Variants in ASIC4 observed in about 807,000 individuals in gnomAD.
ASIC4 encodes the protein acid-sensing ion channel 4.
Under a neutral mutation model 53.4 loss-of-function variants are expected in ASIC4, and 28 were observed. That is an observed-to-expected ratio of 0.52 (90% CI 0.39 to 0.72). The LOEUF is 0.72. Ranked by LOEUF, ASIC4 falls within the 30% of genes least tolerant of loss-of-function variation. ASIC4 has a pLI of 0.00. For missense variants in ASIC4, 649 were observed against 729.7 expected (o/e 0.89, Z 1.27); for synonymous variants, 289 against 301.4 (o/e 0.96, Z 0.43).
the ASIC4 span, among the ~76,000 whole-genome samples, chr2:219,507,552 T>C: frequency 2.6e-5 from 4 of 151,922 alleles, no homozygotes; most frequent in African/African-American, 9.7e-5. Flanking sequence ...CAGTGGGAGG[T>C]ACCCTGTTCT....
intron 1 of ASIC4, among the ~76,000 whole-genome samples, chr2:219,527,195 C>A (rs1016182746): frequency 2.0e-5 from 3 of 152,200 alleles, no homozygotes; most frequent in Non-Finnish European, 4.4e-5. Context: ...GATGGCTCCA[C>A]CCACCCCTGC....
chr2:219,507,775 T>TG, the ASIC4 span, among the ~76,000 whole-genome samples: 3 of 151,806 alleles, frequency 2.0e-5, no homozygotes, highest in Non-Finnish European at 4.4e-5. Context: ...CCGAAGAGAA[T>TG]GGGGGGTGCA....
Position 219,537,196 on chromosome 2 carries a change from G to A in ASIC4, c.1321+39G>A, listed in dbSNP as rs556154322. 5.3e-5 allele frequency: 86 copies of A among 1,611,894 alleles called. No individual in the cohort carries two copies. Among genetic ancestry groups the A allele is most frequent in the South Asian group, 9.9e-5 (9 of 90,992 alleles). On this transcript the variant is annotated intron_variant, in intron 7 of 9. Transcript: ENST00000358078. This position sits in a 1 kb window ranked among gnomAD's most constrained non-coding sequence, Gnocchi z 4.9. ...CCCTGCCCCCAGCTTGTGTGGGGGTGGATCGGCCCGGCCGCTCCCTCTGAC... is the reference window on the plus strand; with the variant it reads ...CCCTGCCCCCAGCTTGTGTGGGGGTAGATCGGCCCGGCCGCTCCCTCTGAC...
chr2:219,521,059 C>T (rs968421388), intron 1 of ASIC4, among the ~76,000 whole-genome samples: 1 of 152,242 alleles, frequency 6.6e-6, no homozygotes, highest in Non-Finnish European at 1.5e-5. Flanking sequence ...CCACCTTCCA[C>T]CCCACACCAG....
At chr2:219,534,440 C>T (rs891908625) in intron 5 of ASIC4, among the ~76,000 whole-genome samples, 4 of 152,266 alleles carry the variant, frequency 2.6e-5, no homozygotes, top group Non-Finnish European at 5.9e-5. Flanking sequence ...GGCTGACTGA[C>T]AGCAGCATGG....
intron 5 of ASIC4, among the ~76,000 whole-genome samples, chr2:219,534,876 C>CCCA (rs2105980114): frequency 6.6e-6 from 1 of 152,260 alleles, no homozygotes; most frequent in East Asian, 1.9e-4. Flanking sequence ...AGTTGATTAG[C>CCCA]TCTGGTGGAT....
At chr2:219,532,696 AT>A in intron 4 of ASIC4, 186 bp from the exon 5 acceptor site, 1 of 813,746 alleles carries the variant, frequency 1.2e-6, no homozygotes, top group East Asian at 2.7e-5. Context: ...GTTAATATGT[AT>A]TTGTGTACGT....
At chr2:219,510,084 C>G (rs532828307), upstream of ASIC4, among the ~76,000 whole-genome samples, 86 of 151,990 alleles carry the variant, frequency 5.7e-4, 1 homozygote, top group Non-Finnish European at 7.4e-5. This position sits in a 1 kb window ranked among gnomAD's most constrained non-coding sequence, Gnocchi z 5.2. Context: ...CTCCTCTCCC[C>G]GTCGATGACC....
chr2:219,520,250 C>T (rs947543858), intron 1 of ASIC4, among the ~76,000 whole-genome samples: 3 of 152,114 alleles, frequency 2.0e-5, no homozygotes, highest in African/African-American at 7.2e-5. Context: ...TAATCAGGCA[C>T]AATTAGACAA....
chr2:219,514,260 G>A (rs775670225), upstream of ASIC4: 8 of 1,444,268 alleles, frequency 5.5e-6, no homozygotes, highest in African/African-American at 1.4e-5. Flanking sequence ...CCCCTCCCCT[G>A]GCCTGGCTCC....
upstream of ASIC4, among the ~76,000 whole-genome samples, chr2:219,509,406 C>T (rs1399461349): frequency 6.6e-6 from 1 of 152,146 alleles, no homozygotes; most frequent in African/African-American, 2.4e-5. The surrounding 1 kb of genome is among the most constrained non-coding windows in gnomAD (Gnocchi z 5.2). Flanking sequence ...TGCCAACAGA[C>T]ACATACTCTT....
In ASIC4 at chr2:219,532,109, T is replaced by A; in HGVS notation, c.836T>A (p.Val279Glu). 2.5e-6 allele frequency: 4 copies of A among 1,614,196 alleles called. No homozygotes were observed. The highest frequency in any genetic ancestry group is 2.5e-6 in the Non-Finnish European group (3 of 1,180,028). Residue 279 changes from valine (V) to glutamate (E), a missense_variant, in exon 3 of 10, where the codon GTG (valine) becomes GAG (glutamate). Val to Glu is a moderately radical substitution (Grantham distance 121). Coordinates refer to ENST00000358078, the MANE Select transcript of ASIC4 (RefSeq NM_018674.6). The part of the protein sequence containing the change: ...FGVSPGFQTF[V>E]SCQEQRLTYL... ...GTGTCCCCAGGCTTCCAGACCTTTG[T>A]GTCCTGCCAGGAACAGCGGGTGAGC...
At position 219,538,278 on chromosome 2, in the gene ASIC4, G is replaced by C; in HGVS notation, c.*232G>C. ...CCGGGAGGGCTGGAGACCAGGCCATGGGCCCTCACGGAGAGGAAGGGAAGG... is the reference window on the plus strand; with the variant it reads ...CCGGGAGGGCTGGAGACCAGGCCATCGGCCCTCACGGAGAGGAAGGGAAGG... On this transcript the variant is annotated 3_prime_UTR_variant, in exon 10 of 10. Transcript: ENST00000358078. 1 of 549,398 alleles carries C rather than the reference G, an allele frequency of 1.8e-6. No individual in the cohort carries two copies. Among genetic ancestry groups the C allele is most frequent in the Non-Finnish European group, 3.2e-6 (1 of 309,824 alleles). The allele number at this position is 549,398 out of a possible 1,614,324, so 34.0% of individuals were successfully genotyped here.
chr2:219,537,961 AG>A lies in ASIC4; in HGVS notation c.1538del (p.Gly513ValfsTer32). ...CCCTGCCCGAGCCGGGGCCGAGTGG[AG>A]GGTGGGGGGGTCAGCAGTCTGCTCC... ...QSPCPSRGRV[E>X]GGGVSSLLPN... On this transcript the variant is annotated frameshift_variant, in exon 10 of 10. Transcript: ENST00000358078. LOFTEE classifies it high-confidence loss of function. The surrounding 1 kb of genome is among the most constrained non-coding windows in gnomAD (Gnocchi z 4.9). 2 of 1,609,418 alleles carry A rather than the reference AG, an allele frequency of 1.2e-6. No individual in the cohort carries two copies. Among genetic ancestry groups the A allele is most frequent in the African/African-American group, 1.3e-5 (1 of 74,902 alleles).
chr2:219,533,721 G>A (rs1411111745), intron 5 of ASIC4: 2 of 152,958 alleles, frequency 1.3e-5, no homozygotes, highest in Admixed American at 6.5e-5. Context: ...GCAGAGAACA[G>A]GGGAGGGAGT....
At chr2:219,510,508 C>A (rs893864869), upstream of ASIC4, among the ~76,000 whole-genome samples, 3 of 152,292 alleles carry the variant, frequency 2.0e-5, 1 homozygote, top group South Asian at 4.2e-4. The surrounding 1 kb of genome is among the most constrained non-coding windows in gnomAD (Gnocchi z 5.2). Flanking sequence ...AGCCCTCCCC[C>A]GCAGGCCCCA....
At position 219,516,814 on chromosome 2, in the gene ASIC4, G is replaced by A. The variant is rs369958705; in HGVS notation, c.582+1508G>A. 278 of 152,486 alleles carry A rather than the reference G, an allele frequency of 1.8e-3. 14 individuals carry two copies. In the South Asian group the frequency reaches 0.057, roughly 31 times the overall value. The allele number at this position is 152,486 out of a possible 1,614,324, so 9.4% of individuals were successfully genotyped here. On this transcript the variant is annotated intron_variant, in intron 1 of 9. Coordinates refer to ENST00000358078, the MANE Select transcript of ASIC4 (RefSeq NM_018674.6). This position sits in a 1 kb window ranked among gnomAD's most constrained non-coding sequence, Gnocchi z 4.9. ...CAGGGGAGTTAGGTAGAAATAGAGGGACAGGAGCAGGAGCATTGTGCAGGG... is the reference window on the plus strand; with the variant it reads ...CAGGGGAGTTAGGTAGAAATAGAGGAACAGGAGCAGGAGCATTGTGCAGGG...
At position 219,514,515 on chromosome 2, in the gene ASIC4, C is replaced by T. The variant is rs1284784434; in HGVS notation, c.-210C>T. 7.1e-6 allele frequency: 11 copies of T among 1,550,860 alleles called. No individual in the cohort carries two copies. Among genetic ancestry groups the T allele is most frequent in the Non-Finnish European group, 9.6e-6 (11 of 1,147,244 alleles). ...AGACAAGCGGCAGCAGAGGCAGCAG[C>T]GGCAGAGGCAGCACCAGGGCTGCGG... On this transcript the variant is annotated 5_prime_UTR_variant, in exon 1 of 10. Coordinates refer to ENST00000358078, the MANE Select transcript of ASIC4 (RefSeq NM_018674.6).
At position 219,537,979 on chromosome 2, in the gene ASIC4, G is replaced by T; in HGVS notation, c.1553G>T (p.Ser518Ile). 2 of 1,613,008 alleles carry T rather than the reference G, an allele frequency of 1.2e-6. No individual in the cohort carries two copies. Among genetic ancestry groups the T allele is most frequent in the Non-Finnish European group, 8.5e-7 (1 of 1,179,638 alleles). ...CGAGTGGAGGGTGGGGGGGTCAGCA[G>T]TCTGCTCCCCAATCACCACCACCCC... ...RGRVEGGGVS[S>I]LLPNHHHPHG... Residue 518 changes from serine to isoleucine, a missense_variant, in exon 10 of 10, where the codon AGT becomes ATT. Coordinates refer to ENST00000358078, the MANE Select transcript of ASIC4 (RefSeq NM_018674.6). The surrounding 1 kb of genome is among the most constrained non-coding windows in gnomAD (Gnocchi z 4.9).
Sources: allele counts gnomAD v4.1 joint callset (sites outside exome capture counted in the v4.1 genomes callset), GRCh38; gene constraint gnomAD v4.1.1; non-coding constraint Gnocchi (gnomAD v3.1); transcripts MANE v1.5; gene names NCBI Gene and HGNC (gene_info 2026-07-23, HGNC 2026-07-21).